HYCC1: variants seen among roughly 807,000 people sequenced by gnomAD.
HYCC1 encodes hyccin.
At chr7:22,959,575 T>C in the HYCC1 span, among the ~76,000 whole-genome samples, 2 of 151,978 alleles carry the variant, frequency 1.3e-5, no homozygotes, top group African/African-American at 4.8e-5. Flanking sequence ...CAATAACTTC[T>C]AGGTAGGAGG....
the HYCC1 span, chr7:22,939,684 T>C: frequency 7.2e-5 from 11 of 152,206 alleles, no homozygotes; most frequent in Non-Finnish European, 1.3e-4. Context: ...ATTTAATTAG[T>C]ATCTTCTTTT....
chr7:22,970,035 G>T, the HYCC1 span, among the ~76,000 whole-genome samples: 2 of 142,610 alleles, frequency 1.4e-5, no homozygotes, highest in Non-Finnish European at 3.1e-5. Context: ...AAATTTGCAT[G>T]GCTCTAGGAT....
the HYCC1 span, among the ~76,000 whole-genome samples, chr7:22,918,133 G>C: frequency 6.6e-6 from 1 of 151,952 alleles, no homozygotes; most frequent in African/African-American, 2.4e-5. Flanking sequence ...CTCAAGAATA[G>C]ACCCCAAAAC....
the HYCC1 span, among the ~76,000 whole-genome samples, chr7:22,973,470 A>C: frequency 6.6e-6 from 1 of 152,202 alleles, no homozygotes; most frequent in African/African-American, 2.4e-5. Flanking sequence ...AAACAACTAA[A>C]AATGACAGGA....
chr7:23,003,952 A>G, the HYCC1 span, among the ~76,000 whole-genome samples: 2 of 152,082 alleles, frequency 1.3e-5, no homozygotes, highest in Non-Finnish European at 2.9e-5. Flanking sequence ...GGATATTATG[A>G]ATATAGTTGT....
the HYCC1 span, chr7:22,991,011 G>T: frequency 7.6e-7 from 1 of 1,323,744 alleles, no homozygotes; most frequent in Non-Finnish European, 1.1e-6. Context: ...TTAAACGCCA[G>T]ACAAAACTTC....
At chr7:22,997,764 A>C in the HYCC1 span, among the ~76,000 whole-genome samples, 2 of 152,134 alleles carry the variant, frequency 1.3e-5, no homozygotes, top group African/African-American at 2.4e-5. Flanking sequence ...ATAGTAAGAG[A>C]GGTTTGGGAA....
the HYCC1 span, among the ~76,000 whole-genome samples, chr7:22,970,060 T>C: frequency 7.2e-6 from 1 of 139,442 alleles, no homozygotes; most frequent in Non-Finnish European, 1.6e-5. Flanking sequence ...ACTCATCTTT[T>C]AAACTTACTT....
At chr7:22,895,931 T>C in the HYCC1 span, among the ~76,000 whole-genome samples, 1 of 152,236 alleles carries the variant, frequency 6.6e-6, no homozygotes, top group African/African-American at 2.4e-5. Context: ...GTTAATATTA[T>C]ATTTGAAATG....
the HYCC1 span, chr7:23,013,900 G>C: frequency 2.2e-6 from 1 of 464,912 alleles, no homozygotes; most frequent in African/African-American, 2.0e-5. Context: ...TGGGGGCCCG[G>C]CGTGGGTCTC....
the HYCC1 span, among the ~76,000 whole-genome samples, chr7:22,919,725 A>C: frequency 2.0e-5 from 3 of 152,308 alleles, no homozygotes; most frequent in Admixed American, 2.0e-4. Flanking sequence ...AACAAACTTA[A>C]GATAGATTGA....
chr7:22,920,908 G>A, the HYCC1 span, among the ~76,000 whole-genome samples: 2 of 152,194 alleles, frequency 1.3e-5, no homozygotes, highest in African/African-American at 2.4e-5. Flanking sequence ...GCTAGTTCAT[G>A]TGAGATCTGG....
the HYCC1 span, among the ~76,000 whole-genome samples, chr7:23,013,737 C>A: frequency 2.0e-5 from 3 of 151,762 alleles, no homozygotes; most frequent in African/African-American, 7.2e-5. Flanking sequence ...CCCAGCGCCC[C>A]GCGCCGCCTC....
At chr7:22,928,372 A>G in the HYCC1 span, among the ~76,000 whole-genome samples, 2 of 152,236 alleles carry the variant, frequency 1.3e-5, no homozygotes, top group African/African-American at 4.8e-5. Context: ...AGGGCACTCA[A>G]TTAGGAAAAG....
chr7:22,961,280 A>G, the HYCC1 span: 4 of 1,608,172 alleles, frequency 2.5e-6, no homozygotes, highest in Admixed American at 6.7e-5. Flanking sequence ...TGTATATAAT[A>G]TCATCCAGTG....
chr7:22,986,817 C>T, the HYCC1 span, among the ~76,000 whole-genome samples: 2,390 of 152,242 alleles, frequency 0.016, 65 homozygotes, highest in African/African-American at 0.055. Flanking sequence ...CACTGCACTC[C>T]GGCCTGGGCA....
chr7:22,926,799 C>A, the HYCC1 span, among the ~76,000 whole-genome samples: 2 of 151,326 alleles, frequency 1.3e-5, no homozygotes, highest in South Asian at 2.1e-4. Context: ...ACAAGGATAT[C>A]CAGGAATTGA....
chr7:22,950,194 C>T, the HYCC1 span, among the ~76,000 whole-genome samples: 1 of 151,988 alleles, frequency 6.6e-6, no homozygotes, highest in East Asian at 1.9e-4. Flanking sequence ...ACATCTTTTT[C>T]AAAAATTTCC....
the HYCC1 span, among the ~76,000 whole-genome samples, chr7:22,900,795 A>C: frequency 6.6e-6 from 1 of 152,202 alleles, no homozygotes; most frequent in Non-Finnish European, 1.5e-5. Context: ...TAATGATCTA[A>C]ACACATTAAA....
Sources: gnomAD v4.1 joint callset for allele counts (sites outside exome capture counted in the v4.1 genomes callset) on GRCh38, gnomAD v4.1.1 for gene constraint, MANE v1.5 for transcripts, NCBI Gene and HGNC (gene_info 2026-07-23, HGNC 2026-07-21) for gene names.